Variants in FXYD6 observed in about 807,000 individuals in gnomAD.
FXYD6 encodes FXYD domain-containing ion transport regulator 6.
In FXYD6, 7 loss-of-function variants were observed where a neutral mutation model predicts 16.7. That is an observed-to-expected ratio of 0.42 (90% CI 0.24 to 0.79). The LOEUF (loss-of-function observed/expected upper bound fraction) is 0.79. FXYD6 is among the 30% of genes least tolerant of loss of function. The pLI is 0.28. For synonymous variants in FXYD6, 49 were observed against 43.0 expected (o/e 1.14, Z -0.54); for missense variants, 111 against 116.2 (o/e 0.95, Z 0.21).
chr11:117,872,821 G>T lies in FXYD6; in HGVS notation c.-6+3771C>A, dbSNP rs990233222. ...CCCCGGATTCTGGAGCAGAGATGAT[G>T]CTGCCAAATTGGTTCCATGCTTTTG... On this transcript the variant is annotated intron_variant, in intron 1 of 7. Coordinates refer to ENST00000526014, the MANE Select transcript of FXYD6 (RefSeq NM_022003.4). This position sits in a 1 kb window ranked among gnomAD's most constrained non-coding sequence, Gnocchi z 4.9. Among the ~76,000 whole-genome samples the T allele has an allele frequency of 1.3e-5, 2 of 152,212 alleles. No individual in the cohort carries two copies. Among genetic ancestry groups the T allele is most frequent in the Non-Finnish European group, 2.9e-5 (2 of 68,046 alleles).
chr11:117,858,691 CTTTCTT>C (rs1275137785), intron 1 of FXYD6, among the ~76,000 whole-genome samples: 51 of 87,826 alleles, frequency 5.8e-4, no homozygotes, highest in East Asian at 1.0e-3. Context: ...TTCTTTCTTT[CTTTCTT>C]TCTTTCTCTC....
intron 1 of FXYD6, among the ~76,000 whole-genome samples, chr11:117,861,778 A>G (rs933473689): frequency 2.6e-5 from 4 of 152,214 alleles, no homozygotes; most frequent in Non-Finnish European, 5.9e-5. Context: ...GGAAGGCTCC[A>G]GGGTCCTCGT....
At chr11:117,875,222 T>C (rs2057230667) in intron 1 of FXYD6, among the ~76,000 whole-genome samples, 1 of 151,920 alleles carries the variant, frequency 6.6e-6, no homozygotes, top group South Asian at 2.1e-4. Flanking sequence ...ATAGGTATGA[T>C]GTATATGTAT....
intron 1 of FXYD6, among the ~76,000 whole-genome samples, chr11:117,858,668 TTTC>T (rs1491489154): frequency 1.2e-5 from 1 of 84,962 alleles, no homozygotes; most frequent in Non-Finnish European, 2.2e-5. Flanking sequence ...TCTTTCTTTC[TTTC>T]TTTCTTTCTT....
intron 1 of FXYD6, chr11:117,869,158 G>T (rs1039182697): frequency 3.9e-5 from 6 of 152,268 alleles, no homozygotes; most frequent in African/African-American, 1.4e-4. Flanking sequence ...CGCCCAGCCA[G>T]CAATGTTCCA....
At chr11:117,861,521 G>T (rs2056906795) in intron 1 of FXYD6, among the ~76,000 whole-genome samples, 1 of 152,226 alleles carries the variant, frequency 6.6e-6, no homozygotes, top group Admixed American at 6.5e-5. Context: ...GAGTTCTGTT[G>T]CTGTCATTTG....
intron 1 of FXYD6, among the ~76,000 whole-genome samples, chr11:117,868,368 T>C (rs1197965632): frequency 6.6e-6 from 1 of 152,182 alleles, no homozygotes; most frequent in Non-Finnish European, 1.5e-5. Flanking sequence ...TGGTGTGATG[T>C]GATGAAAATG....
At chr11:117,844,729 G>A (rs1272809870) in intron 1 of FXYD6, among the ~76,000 whole-genome samples, 4 of 152,128 alleles carry the variant, frequency 2.6e-5, no homozygotes, top group Non-Finnish European at 4.4e-5. Flanking sequence ...GACCTCAGGT[G>A]ATCCACCCAC....
chr11:117,842,237 G>C, intron 2 of FXYD6: 3 of 638,146 alleles, frequency 4.7e-6, no homozygotes, highest in Admixed American at 5.8e-5. Context: ...TGAAGGCATC[G>C]AAACTCAGTG....
intron 5 of FXYD6, 57 bp from the exon 6 acceptor site, chr11:117,840,425 G>A (rs899158553): frequency 2.5e-6 from 4 of 1,610,948 alleles, no homozygotes; most frequent in Non-Finnish European, 1.7e-6. Context: ...GACCCAGAGA[G>A]CATCGTTCTG....
intron 1 of FXYD6, among the ~76,000 whole-genome samples, chr11:117,874,202 T>A (rs2057202767): frequency 6.6e-6 from 1 of 152,102 alleles, no homozygotes; most frequent in Non-Finnish European, 1.5e-5. Context: ...CACCTTCATG[T>A]CCCCAGCAAT....
chr11:117,838,622 C>T, intron 7 of FXYD6: 1 of 280,304 alleles, frequency 3.6e-6, no homozygotes, highest in Non-Finnish European at 6.9e-6. Flanking sequence ...CTCCTCTGAG[C>T]CTTCCCAGAT....
Position 117,840,314 on chromosome 11 carries a change from G to C in FXYD6, c.259+5C>G. ...CCACCTGGGCAGGTGGTCACGGACA[G>C]TTACCATTGGCGGTGATGAGGTTCT... On this transcript the variant is annotated splice_donor_5th_base_variant and intron_variant, in intron 6 of 7. Transcript: ENST00000526014. 6.2e-7 allele frequency: 1 copy of C among 1,614,176 alleles called. No individual in the cohort carries two copies. Among genetic ancestry groups the C allele is most frequent in the South Asian group, 1.1e-5 (1 of 91,080 alleles).
chr11:117,869,306 T>C (rs1413612168), intron 1 of FXYD6: 4 of 152,306 alleles, frequency 2.6e-5, no homozygotes, highest in Admixed American at 2.6e-4. Flanking sequence ...GGAAGGCAGC[T>C]GGACAGTCTA....
intron 1 of FXYD6, among the ~76,000 whole-genome samples, chr11:117,867,890 T>TC (rs2057044481): frequency 6.6e-6 from 1 of 152,034 alleles, no homozygotes; most frequent in South Asian, 2.1e-4. Flanking sequence ...GGAAATCAAC[T>TC]CAGCCACATT....
At chr11:117,875,601 G>A (rs1295104333) in intron 1 of FXYD6, among the ~76,000 whole-genome samples, 1 of 152,190 alleles carries the variant, frequency 6.6e-6, no homozygotes, top group East Asian at 1.9e-4. Context: ...CTTTCAGAGA[G>A]GGCCTGAGAT....
chr11:117,852,167 G>T (rs889728161), intron 1 of FXYD6, among the ~76,000 whole-genome samples: 3 of 152,226 alleles, frequency 2.0e-5, no homozygotes, highest in African/African-American at 7.2e-5. Flanking sequence ...GAGGGAGTCT[G>T]GAGGCAGATC....
At chr11:117,861,683 A>T (rs1011420728) in intron 1 of FXYD6, among the ~76,000 whole-genome samples, 4 of 152,218 alleles carry the variant, frequency 2.6e-5, no homozygotes, top group African/African-American at 9.6e-5. Flanking sequence ...AGGAAAATGG[A>T]AAGATAAACA....
At chr11:117,876,382 C>T (rs1383289587) in intron 1 of FXYD6, among the ~76,000 whole-genome samples, 2 of 152,210 alleles carry the variant, frequency 1.3e-5, no homozygotes, top group Non-Finnish European at 2.9e-5. Context: ...AGGCTCCTCT[C>T]TCTTCCGACG....
Sources: allele counts gnomAD v4.1 joint callset (sites outside exome capture counted in the v4.1 genomes callset), GRCh38; gene constraint gnomAD v4.1.1; non-coding constraint Gnocchi (gnomAD v3.1); transcripts MANE v1.5; gene names NCBI Gene and HGNC (gene_info 2026-07-23, HGNC 2026-07-21).